FUT8: variants seen among roughly 807,000 people sequenced by gnomAD.
FUT8 encodes the protein fucosyltransferase 8, also known as alpha-(1,6)-fucosyltransferase.
In FUT8, 29 loss-of-function variants were observed where a neutral mutation model predicts 71.3. The ratio of observed to expected loss-of-function variants is 0.41; its 90% CI spans 0.30 to 0.55. The LOEUF is 0.55. Among genes scored for constraint, FUT8 ranks in the 20% least tolerant of loss-of-function variants. The pLI, the probability that FUT8 is intolerant of heterozygous loss-of-function variation, is 0.34. For missense variants in FUT8, 544 were observed against 702.1 expected (o/e 0.77, Z 2.55); for synonymous variants, 254 against 239.3 (o/e 1.06, Z -0.57).
At chr14:65,694,138 A>G (rs1594905939) in intron 7 of FUT8, among the ~76,000 whole-genome samples, 2 of 152,126 alleles carry the variant, frequency 1.3e-5, no homozygotes, top group East Asian at 1.9e-4. Flanking sequence ...TCAAAGAACT[A>G]GCTTTTCAGT....
At chr14:65,409,373 A>G (rs2139330703), upstream of FUT8, among the ~76,000 whole-genome samples, 1 of 152,292 alleles carries the variant, frequency 6.6e-6, no homozygotes, top group Admixed American at 6.5e-5. This position sits in a 1 kb window ranked among gnomAD's most constrained non-coding sequence, Gnocchi z 5.4. Flanking sequence ...GAGTGCCTCA[A>G]CCCCTTGCTG....
At chr14:65,677,146 G>GCGCGCGCGCA (rs1892767903) in intron 7 of FUT8, among the ~76,000 whole-genome samples, 1 of 112,644 alleles carries the variant, frequency 8.9e-6, no homozygotes, top group Non-Finnish European at 1.9e-5. Flanking sequence ...GTGTGTGTGT[G>GCGCGCGCGCA]TGTGTGCGCG....
chr14:65,450,100 C>G (rs1251051067), intron 1 of FUT8, among the ~76,000 whole-genome samples: 2 of 151,974 alleles, frequency 1.3e-5, no homozygotes, highest in African/African-American at 2.4e-5. Context: ...GTGTGGTTTC[C>G]TTTTTTAGAA....
intron 2 of FUT8, among the ~76,000 whole-genome samples, chr14:65,494,584 A>T (rs1202692050): frequency 1.3e-5 from 2 of 152,000 alleles, no homozygotes; most frequent in Non-Finnish European, 2.9e-5. Context: ...GGGGCAACGT[A>T]TTTTTTTATT....
chr14:65,687,996 C>G (rs1279346083), intron 7 of FUT8, among the ~76,000 whole-genome samples: 1 of 152,202 alleles, frequency 6.6e-6, no homozygotes, highest in Non-Finnish European at 1.5e-5. Context: ...TCCCAGTGCA[C>G]TGGGATTACA....
At chr14:65,365,890 T>C in the FUT8 span, among the ~76,000 whole-genome samples, 2 of 152,120 alleles carry the variant, frequency 1.3e-5, no homozygotes, top group African/African-American at 4.8e-5. Context: ...CAGGCTATAG[T>C]GCAGTGGTGC....
At chr14:65,365,689 A>G in the FUT8 span, among the ~76,000 whole-genome samples, 6,827 of 152,252 alleles carry the variant, frequency 0.045, 275 homozygotes, top group South Asian at 0.17. Context: ...GAAAATGACA[A>G]GAGGTTGCCC....
chr14:65,606,939 T>G (rs1379006763), intron 3 of FUT8, among the ~76,000 whole-genome samples: 5 of 151,910 alleles, frequency 3.3e-5, no homozygotes, highest in African/African-American at 1.2e-4. Flanking sequence ...TGTTGCTGTT[T>G]GTTAGATTTA....
chr14:65,436,790 G>T (rs1250366035), intron 1 of FUT8, among the ~76,000 whole-genome samples: 1 of 152,114 alleles, frequency 6.6e-6, no homozygotes, highest in Non-Finnish European at 1.5e-5. Context: ...GAGTTGTGCA[G>T]TGTAGCAGTC....
the FUT8 span, among the ~76,000 whole-genome samples, chr14:65,396,758 G>T: frequency 6.6e-6 from 1 of 152,202 alleles, no homozygotes. This position sits in a 1 kb window ranked among gnomAD's most constrained non-coding sequence, Gnocchi z 5.5. Context: ...TAAATCAGGG[G>T]CTGGATTTTA....
intron 6 of FUT8, among the ~76,000 whole-genome samples, chr14:65,667,875 A>G (rs1300453544): frequency 1.3e-5 from 2 of 152,106 alleles, no homozygotes; most frequent in Non-Finnish European, 2.9e-5. Context: ...AAAAACAGAC[A>G]TATAGACCAG....
At chr14:65,426,060 A>G (rs1345619087) in intron 1 of FUT8, among the ~76,000 whole-genome samples, 1 of 151,974 alleles carries the variant, frequency 6.6e-6, no homozygotes, top group Admixed American at 6.6e-5. Context: ...TGTACGTTAG[A>G]TCTCTCGAAC....
chr14:65,466,852 A>AC lies in FUT8; in HGVS notation c.-228+11136dup, dbSNP rs762776849. On this transcript the variant is annotated intron_variant, in intron 2 of 10. Coordinates refer to ENST00000673929, the MANE Select transcript of FUT8 (RefSeq NM_001371533.1). ...AAGTTCACTTTTTAAATAACACTTTACCACTTCATGGGTAGTGCAAATACC... is the reference window on the plus strand; with the variant it reads ...AAGTTCACTTTTTAAATAACACTTTACCCACTTCATGGGTAGTGCAAATACC... Among the ~76,000 whole-genome samples, 17 of 152,314 alleles carry AC rather than the reference A, an allele frequency of 1.1e-4. 1 individual carries two copies. Among genetic ancestry groups the AC allele is most frequent in the Non-Finnish European group, 2.4e-4 (16 of 68,034 alleles).
chr14:65,498,095 A>T (rs1379875178), intron 2 of FUT8, among the ~76,000 whole-genome samples: 1 of 152,174 alleles, frequency 6.6e-6, no homozygotes, highest in Non-Finnish European at 1.5e-5. Context: ...TGTGTTTTCT[A>T]CTATTGCTTT....
chr14:65,672,506 C>CTG (rs1402460025), intron 7 of FUT8, among the ~76,000 whole-genome samples: 7 of 152,164 alleles, frequency 4.6e-5, no homozygotes, highest in Admixed American at 1.3e-4. Flanking sequence ...GACACCCAGG[C>CTG]TGGAGTGCGG....
Position 65,690,039 on chromosome 14 carries a change from A to G in FUT8, c.835+20559A>G, listed in dbSNP as rs549558125. ...TGTTGAGTTCATTTTTATGAAAGGTATAAGGTCAATGTCTAGATTCTATAC... is the reference window on the plus strand; with the variant it reads ...TGTTGAGTTCATTTTTATGAAAGGTGTAAGGTCAATGTCTAGATTCTATAC... On this transcript the variant is annotated intron_variant, in intron 7 of 10. Coordinates refer to ENST00000673929, the MANE Select transcript of FUT8 (RefSeq NM_001371533.1). Among the ~76,000 whole-genome samples the G allele has an allele frequency of 2.0e-5, 3 of 152,320 alleles. 1 individual carries two copies. Among genetic ancestry groups the G allele is most frequent in the South Asian group, 4.1e-4 (2 of 4,830 alleles).
the FUT8 span, among the ~76,000 whole-genome samples, chr14:65,390,563 G>A: frequency 6.6e-6 from 1 of 151,552 alleles, no homozygotes; most frequent in Admixed American, 6.6e-5. Flanking sequence ...AAGTAATTCA[G>A]GTTTTCTAAA....
intron 1 of FUT8, among the ~76,000 whole-genome samples, chr14:65,436,185 T>G (rs2065556135): frequency 6.6e-6 from 1 of 152,058 alleles, no homozygotes; most frequent in South Asian, 2.1e-4. Flanking sequence ...GGCACAAGTG[T>G]GTAATCCCAG....
At chr14:65,362,052 G>C in the FUT8 span, among the ~76,000 whole-genome samples, 17 of 152,234 alleles carry the variant, frequency 1.1e-4, no homozygotes, top group South Asian at 3.5e-3. Flanking sequence ...CTTTGGTTTC[G>C]CCAGTTGTGA....
Sources: gnomAD v4.1 joint callset for allele counts (sites outside exome capture counted in the v4.1 genomes callset) on GRCh38, gnomAD v4.1.1 for gene constraint, Gnocchi (gnomAD v3.1) non-coding constraint, MANE v1.5 for transcripts, NCBI Gene and HGNC (gene_info 2026-07-23, HGNC 2026-07-21) for gene names.